ZSWIM6: variants seen among roughly 807,000 people sequenced by gnomAD.
The protein encoded by ZSWIM6 is zinc finger SWIM domain-containing protein 6.
ZSWIM6 carries 9 observed loss-of-function variants against 113.2 expected under a neutral mutation model. The observed-to-expected ratio is 0.08, with a 90% CI of 0.05 to 0.14. ZSWIM6 has a LOEUF of 0.14. ZSWIM6 is among the 10% of genes least tolerant of loss of function. The pLI is 1.00. For synonymous variants in ZSWIM6, 611 were observed against 606.5 expected (o/e 1.01, Z -0.11); for missense variants, 1,162 against 1,552.2 (o/e 0.75, Z 4.22).
chr5:61,513,663 T>C (rs554273484), intron 4 of ZSWIM6, among the ~76,000 whole-genome samples: 50 of 152,230 alleles, frequency 3.3e-4, no homozygotes, highest in African/African-American at 1.1e-3. Flanking sequence ...GTATATAATA[T>C]GGATTTTGGT....
chr5:61,358,658 G>T (rs1385736623), intron 1 of ZSWIM6, among the ~76,000 whole-genome samples: 2 of 152,210 alleles, frequency 1.3e-5, no homozygotes, highest in Non-Finnish European at 2.9e-5. Context: ...AACTGGTATG[G>T]TTTTACTTGA....
At position 61,494,122 on chromosome 5, in the gene ZSWIM6, C is replaced by CA. The variant is rs1748256693; in HGVS notation, c.1183-138_1183-137insA. The CA allele has an allele frequency of 1.4e-5, 10 of 718,610 alleles. No individual in the cohort carries two copies. In the South Asian group the frequency reaches 1.6e-4, roughly 11 times the overall value. The allele number at this position is 718,610 out of a possible 1,614,324, so 44.5% of individuals were successfully genotyped here. ...TTGACATCTCCCCGCCTATCCTCCA[C>CA]CACACACACACACACACACACACGG... On this transcript the variant is annotated intron_variant, in intron 3 of 13. Coordinates refer to ENST00000252744, the MANE Select transcript of ZSWIM6 (RefSeq NM_020928.2).
chr5:61,342,850 G>A (rs1272477405), intron 1 of ZSWIM6, among the ~76,000 whole-genome samples: 2 of 139,746 alleles, frequency 1.4e-5, no homozygotes, highest in Non-Finnish European at 3.2e-5. Context: ...ACATTGTTAC[G>A]CAAATAATCT....
intron 4 of ZSWIM6, among the ~76,000 whole-genome samples, chr5:61,499,716 T>A (rs1044189826): frequency 1.3e-5 from 2 of 152,192 alleles, no homozygotes; most frequent in African/African-American, 4.8e-5. Flanking sequence ...AAACTCATTA[T>A]CAAAACTGTT....
chr5:61,334,502 C>A (rs1579935903), intron 1 of ZSWIM6, among the ~76,000 whole-genome samples: 1 of 152,138 alleles, frequency 6.6e-6, no homozygotes, highest in Non-Finnish European at 1.5e-5. Flanking sequence ...TTTTATCCTT[C>A]TTTTCTTTGG....
At chr5:61,415,065 A>G (rs1746219233) in intron 1 of ZSWIM6, among the ~76,000 whole-genome samples, 1 of 152,202 alleles carries the variant, frequency 6.6e-6, no homozygotes, top group South Asian at 2.1e-4. Context: ...TGCCATTCCC[A>G]GGTTTGACTG....
At chr5:61,344,772 G>A (rs530799238) in intron 1 of ZSWIM6, among the ~76,000 whole-genome samples, 1 of 152,288 alleles carries the variant, frequency 6.6e-6, no homozygotes, top group Non-Finnish European at 1.5e-5. Context: ...ACCAGGCCAC[G>A]ACGGCACAGG....
rs1749832683 is a variant in ZSWIM6 at position 61,544,500 on chromosome 5, T to C, written c.*183T>C. 2 of 343,020 alleles carry C rather than the reference T, an allele frequency of 5.8e-6. No homozygotes were observed. Among genetic ancestry groups the C allele is most frequent in the African/African-American group, 4.2e-5 (2 of 47,262 alleles). 21.2% of individuals were successfully genotyped at this position (343,020 alleles called of 1,614,324 possible). On this transcript the variant is annotated 3_prime_UTR_variant, in exon 14 of 14. Coordinates refer to ENST00000252744, the MANE Select transcript of ZSWIM6 (RefSeq NM_020928.2). ...GAAAGTTTGTGTGTTTTTTATTTTT[T>C]CCCTATTTCTTTCTTTCCTTTATTT...
At chr5:61,453,002 GAT>G (rs1375215744) in intron 1 of ZSWIM6, among the ~76,000 whole-genome samples, 16 of 152,134 alleles carry the variant, frequency 1.1e-4, no homozygotes, top group African/African-American at 3.4e-4. Context: ...GAGACTGTGT[GAT>G]TTTTGCAGGA....
Position 61,434,163 on chromosome 5 carries a change from T to G in ZSWIM6, c.677-38518T>G, listed in dbSNP as rs535056933. The stretch of plus-strand genomic sequence containing the variant: ...TATATATAACATATATATAAATATA[T>G]GTATTATATATACTATATATAACAT... On this transcript the variant is annotated intron_variant, in intron 1 of 13. Coordinates refer to ENST00000252744, the MANE Select transcript of ZSWIM6 (RefSeq NM_020928.2). Among the ~76,000 whole-genome samples, 155 of 147,364 alleles carry G rather than the reference T, an allele frequency of 1.1e-3. 3 individuals carry two copies. In the South Asian group the frequency reaches 0.032, roughly 30 times the overall value.
chr5:61,448,901 A>G (rs773288861), intron 1 of ZSWIM6, among the ~76,000 whole-genome samples: 7 of 152,324 alleles, frequency 4.6e-5, no homozygotes, highest in Non-Finnish European at 7.3e-5. Context: ...TAATAGGTAT[A>G]TGTAGGATAT....
At chr5:61,488,833 T>A (rs1198202839) in intron 2 of ZSWIM6, among the ~76,000 whole-genome samples, 1 of 152,012 alleles carries the variant, frequency 6.6e-6, no homozygotes, top group Middle Eastern at 3.2e-3. Flanking sequence ...TTGTAATGCA[T>A]GGAGAGTCTC....
At chr5:61,517,507 G>A (rs1362583171) in intron 4 of ZSWIM6, among the ~76,000 whole-genome samples, 1 of 151,900 alleles carries the variant, frequency 6.6e-6, no homozygotes, top group African/African-American at 2.4e-5. Flanking sequence ...TCTGAAAACT[G>A]CCTTTCTATT....
chr5:61,336,533 G>A (rs1287922556), intron 1 of ZSWIM6, among the ~76,000 whole-genome samples: 1 of 152,272 alleles, frequency 6.6e-6, no homozygotes, highest in Admixed American at 6.5e-5. Context: ...TGAGGTGGGT[G>A]GATCATTTGA....
chr5:61,522,148 A>G (rs1749148926), intron 5 of ZSWIM6, among the ~76,000 whole-genome samples: 1 of 144,734 alleles, frequency 6.9e-6, no homozygotes, highest in African/African-American at 2.6e-5. Flanking sequence ...GTACCTATCT[A>G]TTCAACCCAA....
chr5:61,434,661 T>C (rs1746666463), intron 1 of ZSWIM6, among the ~76,000 whole-genome samples: 1 of 152,226 alleles, frequency 6.6e-6, no homozygotes, highest in African/African-American at 2.4e-5. Flanking sequence ...ATGGTGTCTA[T>C]ATACCACATT....
chr5:61,525,245 C>T (rs1385878289), intron 5 of ZSWIM6, among the ~76,000 whole-genome samples: 2 of 152,140 alleles, frequency 1.3e-5, no homozygotes, highest in African/African-American at 4.8e-5. Flanking sequence ...GATATTTAAG[C>T]ATTATATCCC....
At chr5:61,454,280 C>T (rs550752034) in intron 1 of ZSWIM6, among the ~76,000 whole-genome samples, 15 of 121,118 alleles carry the variant, frequency 1.2e-4, no homozygotes, top group East Asian at 2.5e-4. Context: ...ATTTTTGAGA[C>T]GAGTCCTCAC....
At chr5:61,474,992 T>C (rs1747671071) in intron 2 of ZSWIM6, among the ~76,000 whole-genome samples, 1 of 152,024 alleles carries the variant, frequency 6.6e-6, no homozygotes, top group South Asian at 2.1e-4. Flanking sequence ...AGAGGTACCT[T>C]CAGCCCTCCA....
Sources: allele counts gnomAD v4.1 joint callset (sites outside exome capture counted in the v4.1 genomes callset), GRCh38; gene constraint gnomAD v4.1.1; transcripts MANE v1.5; gene names NCBI Gene and HGNC (gene_info 2026-07-23, HGNC 2026-07-21).